RNF169: variants seen among roughly 807,000 people sequenced by gnomAD.
RNF169 encodes ring finger protein 169, also known as E3 ubiquitin-protein ligase RNF169.
A neutral mutation model predicts 53.9 loss-of-function variants in RNF169; 24 were observed. That is an observed-to-expected ratio of 0.45 (90% CI 0.32 to 0.63). The LOEUF (loss-of-function observed/expected upper bound fraction) is 0.63, where lower values mean the gene tolerates loss of function less well. Among genes scored for constraint, RNF169 ranks in the 20% least tolerant of loss-of-function variants. RNF169 has a pLI of 0.04. For synonymous variants in RNF169, 396 were observed against 363.5 expected, an observed-to-expected ratio of 1.09 and a Z score of -1.02; for missense variants, 883 against 906.2, an observed-to-expected ratio of 0.97 and a Z score of 0.33.
At position 74,838,630 on chromosome 11, in the gene RNF169, C is replaced by T. The variant is rs1484727805; in HGVS notation, c.*1900C>T. 2 of 152,228 alleles carry T rather than the reference C, an allele frequency of 1.3e-5. No individual in the cohort carries two copies. The highest frequency in any genetic ancestry group is 2.9e-5 in the Non-Finnish European group (2 of 68,046). The allele number at this position is 152,228 out of a possible 1,614,324, so 9.4% of individuals were successfully genotyped here. A position where few individuals can be genotyped will look rare whatever the true frequency, so the allele number is the denominator to read the frequency against. ...ATTCTGTGTTCTCTGTGTGTGTGCA[C>T]ATATGCAGATGTATGTTTTAAAAAC... On this transcript the variant is annotated 3_prime_UTR_variant, in exon 6 of 6. Coordinates refer to ENST00000299563, the MANE Select transcript of RNF169 (RefSeq NM_001098638.2).
In RNF169 at chr11:74,780,250, C is replaced by G. The variant is rs147316345; in HGVS notation, c.503-9376C>G. ...GTTCTGCTTTTTATTATGTCCCTTT[C>G]TTGACTCTCAAAGAATGCTCTCTAC... On this transcript the variant is annotated intron_variant, in intron 1 of 5. Coordinates refer to ENST00000299563, the MANE Select transcript of RNF169 (RefSeq NM_001098638.2). 6.2e-3 allele frequency among the ~76,000 whole-genome samples: 946 copies of G among 152,248 alleles called. 31 individuals carry two copies. Among genetic ancestry groups the G allele is most frequent in the Non-Finnish European group, 2.2e-3 (150 of 68,024 alleles).
chr11:74,832,275 T>G (rs1481102430), intron 4 of RNF169: 1 of 152,006 alleles, frequency 6.6e-6, no homozygotes, highest in Non-Finnish European at 1.5e-5. Context: ...AGCAAAAAGA[T>G]TTTAGATTGT....
At chr11:74,799,796 A>G (rs1256930606) in intron 2 of RNF169, among the ~76,000 whole-genome samples, 2 of 151,938 alleles carry the variant, frequency 1.3e-5, no homozygotes, top group African/African-American at 4.8e-5. Context: ...GTTAATTGGG[A>G]AAAAACCTTC....
intron 2 of RNF169, among the ~76,000 whole-genome samples, chr11:74,790,760 A>G (rs2035567835): frequency 6.6e-6 from 1 of 152,210 alleles, no homozygotes; most frequent in Non-Finnish European, 1.5e-5. Flanking sequence ...GGACTACTGC[A>G]AGTGGCTTCC....
intron 1 of RNF169, among the ~76,000 whole-genome samples, chr11:74,755,074 G>A (rs1252986336): frequency 6.6e-6 from 1 of 152,306 alleles, no homozygotes; most frequent in East Asian, 1.9e-4. Context: ...AGTGCAAGAG[G>A]ACAGGAATTC....
At chr11:74,751,347 G>C (rs1056703310) in intron 1 of RNF169, among the ~76,000 whole-genome samples, 1 of 152,204 alleles carries the variant, frequency 6.6e-6, no homozygotes, top group African/African-American at 2.4e-5. Flanking sequence ...TGGATGTGGT[G>C]TGATGGTTTC....
intron 1 of RNF169, among the ~76,000 whole-genome samples, chr11:74,782,318 G>T (rs1301275671): frequency 6.6e-6 from 1 of 152,134 alleles, no homozygotes; most frequent in Non-Finnish European, 1.5e-5. Flanking sequence ...ATAGATCGGG[G>T]TCCCCAACCC....
At chr11:74,785,222 T>TA (rs2035478659) in intron 1 of RNF169, among the ~76,000 whole-genome samples, 3 of 101,192 alleles carry the variant, frequency 3.0e-5, no homozygotes, top group South Asian at 3.1e-4. Flanking sequence ...TATATATATG[T>TA]TATATATATT....
rs1335978136 is a variant in RNF169, at chr11:74,776,525, A to AG, written c.503-13101_503-13100insG. ...GTTCATTCAGCCAAAAAAAAAAAAA[A>AG]AAAAAAAAATTTAAGCCATTGTTTG... On this transcript the variant is annotated intron_variant, in intron 1 of 5. Transcript: ENST00000299563. Among the ~76,000 whole-genome samples, 5 of 152,002 alleles carry AG rather than the reference A, an allele frequency of 3.3e-5. No individual in the cohort carries two copies. The South Asian group carries it at 6.2e-4, about 19-fold the overall frequency.
intron 2 of RNF169, among the ~76,000 whole-genome samples, chr11:74,801,304 A>G (rs2035725985): frequency 6.6e-6 from 1 of 152,230 alleles, no homozygotes; most frequent in African/African-American, 2.4e-5. Context: ...AGCTAAGAGT[A>G]GTCCTTTCAC....
chr11:74,835,927 C>T lies in RNF169; in HGVS notation c.1324C>T (p.Gln442Ter). 1 of 1,614,156 alleles carries T rather than the reference C, an allele frequency of 6.2e-7. No individual in the cohort carries two copies. The highest frequency in any genetic ancestry group is 8.5e-7 in the Non-Finnish European group (1 of 1,180,038). Residue 442 changes from glutamine (Q) to a stop codon, truncating the protein, a stop_gained, in exon 6 of 6, where the codon CAG (glutamine) becomes TAG (stop). Transcript: ENST00000299563. LOFTEE classifies it high-confidence loss of function. The stretch of plus-strand genomic sequence containing the variant: ...GTGGGAACAGATCTTTCAGGAGCGG[C>T]AGATCAAAAAGACCCTTTCAAAAGC... The part of the protein sequence containing the change: ...KKWEQIFQER[Q>*]IKKTLSKATL...
At chr11:74,818,060 G>T (rs1030069176) in intron 4 of RNF169, among the ~76,000 whole-genome samples, 1 of 152,200 alleles carries the variant, frequency 6.6e-6, no homozygotes, top group African/African-American at 2.4e-5. Context: ...GGGCAGAACT[G>T]ATTTTCTTTT....
At chr11:74,786,742 T>C (rs2035509806) in intron 1 of RNF169, among the ~76,000 whole-genome samples, 1 of 152,224 alleles carries the variant, frequency 6.6e-6, no homozygotes, top group Admixed American at 6.5e-5. Flanking sequence ...ATCTGATCCT[T>C]ATAATAACCT....
chr11:74,803,951 C>T (rs1275122642), intron 2 of RNF169, among the ~76,000 whole-genome samples: 11 of 152,134 alleles, frequency 7.2e-5, no homozygotes, highest in Admixed American at 5.2e-4. Flanking sequence ...GGACCCATAT[C>T]ATATACTATA....
chr11:74,752,672 A>AT (rs1458928699), intron 1 of RNF169, among the ~76,000 whole-genome samples: 1 of 150,918 alleles, frequency 6.6e-6, no homozygotes, highest in East Asian at 1.9e-4. Context: ...AAGTATGCTT[A>AT]TTTTTTGCCA....
intron 1 of RNF169, among the ~76,000 whole-genome samples, chr11:74,757,812 G>A (rs2035010459): frequency 1.7e-5 from 1 of 60,058 alleles, no homozygotes; most frequent in Non-Finnish European, 2.8e-5. Flanking sequence ...AGAAGTGTCT[G>A]TTCATATCCT....
chr11:74,826,586 A>G (rs1460419409), intron 4 of RNF169, among the ~76,000 whole-genome samples: 1 of 152,196 alleles, frequency 6.6e-6, no homozygotes, highest in Non-Finnish European at 1.5e-5. Context: ...CCAAAGTCTC[A>G]TCTGAGATAA....
At chr11:74,752,511 C>G (rs922131213) in intron 1 of RNF169, among the ~76,000 whole-genome samples, 1 of 151,378 alleles carries the variant, frequency 6.6e-6, no homozygotes, top group Admixed American at 6.6e-5. Context: ...GCAGGAGACT[C>G]GCTTGAACCT....
chr11:74,806,423 T>A (rs917888317), intron 2 of RNF169, among the ~76,000 whole-genome samples: 1 of 152,224 alleles, frequency 6.6e-6, no homozygotes, highest in African/African-American at 2.4e-5. Flanking sequence ...AAACTGTGGC[T>A]GCGTACCTTA....
Sources: allele counts gnomAD v4.1 joint callset (sites outside exome capture counted in the v4.1 genomes callset), GRCh38; gene constraint gnomAD v4.1.1; transcripts MANE v1.5; gene names NCBI Gene and HGNC (gene_info 2026-07-23, HGNC 2026-07-21).